Variants in CCSER1 observed in about 807,000 individuals in gnomAD.
CCSER1 encodes coiled-coil serine rich protein 1.
Under a neutral mutation model 82.0 loss-of-function variants are expected in CCSER1, and 41 were observed. That is an observed-to-expected ratio of 0.50 (90% CI 0.39 to 0.65). The LOEUF (loss-of-function observed/expected upper bound fraction) is 0.65, where lower values mean the gene tolerates loss of function less well. Ranked by LOEUF, CCSER1 falls within the 30% of genes least tolerant of loss-of-function variation. The probability of loss-of-function intolerance (pLI) is 0.00; values close to 1 mark genes in which losing one functional copy is unlikely to be tolerated. For synonymous variants in CCSER1, 414 were observed against 383.9 expected (o/e 1.08, Z -0.92); for missense variants, 1,119 against 1,064.2 (o/e 1.05, Z -0.72).
intron 9 of CCSER1, among the ~76,000 whole-genome samples, chr4:91,020,107 A>T (rs1183035248): frequency 6.6e-6 from 1 of 152,240 alleles, no homozygotes; most frequent in Non-Finnish European, 1.5e-5. Flanking sequence ...GAATAAAAAT[A>T]GCCAAGACAA....
intron 1 of CCSER1, among the ~76,000 whole-genome samples, chr4:90,281,636 G>A (rs2153460797): frequency 6.6e-6 from 1 of 152,066 alleles, no homozygotes; most frequent in African/African-American, 2.4e-5. Flanking sequence ...ATTACCATAT[G>A]TAGTAAAGTG....
At chr4:90,463,426 C>T (rs1763198101) in intron 4 of CCSER1, among the ~76,000 whole-genome samples, 1 of 152,094 alleles carries the variant, frequency 6.6e-6, no homozygotes, top group South Asian at 2.1e-4. Flanking sequence ...AGTGCAATGA[C>T]AGTAATAACA....
At chr4:90,690,183 A>T (rs1383211968) in intron 6 of CCSER1, among the ~76,000 whole-genome samples, 2 of 152,052 alleles carry the variant, frequency 1.3e-5, no homozygotes, top group Non-Finnish European at 2.9e-5. Flanking sequence ...CCTTAAAAAT[A>T]TGAGTGTGAT....
intron 10 of CCSER1, among the ~76,000 whole-genome samples, chr4:91,096,478 T>TG (rs899913955): frequency 2.0e-5 from 3 of 152,146 alleles, no homozygotes; most frequent in African/African-American, 7.2e-5. Context: ...TTAACCACTA[T>TG]GGGGGATCTA....
intron 7 of CCSER1, among the ~76,000 whole-genome samples, chr4:90,772,421 G>C (rs375917023): frequency 1.4e-4 from 21 of 152,050 alleles, no homozygotes; most frequent in African/African-American, 4.8e-4. Context: ...ATTGATTACT[G>C]TTCTATATAT....
intron 8 of CCSER1, among the ~76,000 whole-genome samples, chr4:90,898,530 C>T (rs924111478): frequency 6.6e-6 from 1 of 150,444 alleles, no homozygotes; most frequent in Admixed American, 6.7e-5. Flanking sequence ...TCAGGTGATT[C>T]CCCCGCCTTG....
At chr4:91,262,859 AAAAC>A (rs1311434550) in intron 10 of CCSER1, among the ~76,000 whole-genome samples, 1 of 151,846 alleles carries the variant, frequency 6.6e-6, no homozygotes. Context: ...TATGAAAAAA[AAAAC>A]AAACATATTC....
At chr4:91,079,544 T>A (rs559861726) in intron 9 of CCSER1, among the ~76,000 whole-genome samples, 1 of 152,298 alleles carries the variant, frequency 6.6e-6, no homozygotes, top group South Asian at 2.1e-4. Context: ...AACATCATAA[T>A]GACAGGATCA....
chr4:90,492,114 C>T (rs139239007), intron 5 of CCSER1, among the ~76,000 whole-genome samples: 4 of 152,208 alleles, frequency 2.6e-5, no homozygotes, highest in African/African-American at 9.6e-5. Flanking sequence ...CCTTGTACCT[C>T]TGGTAGAATT....
At chr4:90,359,060 G>A (rs1744840044) in intron 3 of CCSER1, among the ~76,000 whole-genome samples, 1 of 152,128 alleles carries the variant, frequency 6.6e-6, no homozygotes, top group African/African-American at 2.4e-5. Context: ...ACATCATAAG[G>A]CACGATGTGT....
At chr4:91,058,962 A>G (rs1440793945) in intron 9 of CCSER1, among the ~76,000 whole-genome samples, 2 of 151,986 alleles carry the variant, frequency 1.3e-5, no homozygotes, top group African/African-American at 4.8e-5. Context: ...ATCCTACTCT[A>G]TAATTCTTAC....
chr4:91,411,483 CATATATACATATATATATATATATAT>C (rs1417537037), intron 10 of CCSER1, among the ~76,000 whole-genome samples: 39 of 69,254 alleles, frequency 5.6e-4, no homozygotes, highest in Admixed American at 2.3e-3. Flanking sequence ...TAAATTTCTG[CATATATACATATATATATATATATAT>C]ATATATATAT....
chr4:90,486,282 C>T (rs530701519), intron 5 of CCSER1, among the ~76,000 whole-genome samples: 2 of 152,264 alleles, frequency 1.3e-5, no homozygotes, highest in East Asian at 1.9e-4. Context: ...ATTTTTTAAC[C>T]TCTTATGTAT....
chr4:91,360,595 TG>T (rs1749182137), intron 10 of CCSER1, among the ~76,000 whole-genome samples: 1 of 151,812 alleles, frequency 6.6e-6, no homozygotes, highest in Non-Finnish European at 1.5e-5. Context: ...TTGGATAGGA[TG>T]CCTTCCATCC....
chr4:90,699,531 G>A (rs976769596), intron 6 of CCSER1, among the ~76,000 whole-genome samples: 1 of 152,160 alleles, frequency 6.6e-6, no homozygotes, highest in African/African-American at 2.4e-5. Context: ...CAGCTATATT[G>A]TGGGGGAGGT....
chr4:90,404,440 C>T lies in CCSER1; in HGVS notation c.1603+4311C>T, dbSNP rs556226345. The stretch of plus-strand genomic sequence containing the variant: ...CTTGGGTGTTCTATGGCCCTTCCCA[C>T]GGCCTGAGAAACCTGAATACTTAAC... On this transcript the variant is annotated intron_variant, in intron 4 of 10. Transcript: ENST00000509176. Among the ~76,000 whole-genome samples the T allele has an allele frequency of 7.2e-5, 11 of 152,270 alleles. No individual in the cohort carries two copies. In the South Asian group the frequency reaches 1.2e-3, roughly 17 times the overall value.
At chr4:90,191,545 G>A (rs1438598018) in intron 1 of CCSER1, among the ~76,000 whole-genome samples, 1 of 152,010 alleles carries the variant, frequency 6.6e-6, no homozygotes, top group Non-Finnish European at 1.5e-5. Flanking sequence ...AAGAGGACAA[G>A]TGGGTGTACC....
At chr4:90,879,488 GGAAGAAGAA>G (rs35201115) in intron 8 of CCSER1, among the ~76,000 whole-genome samples, 9,443 of 122,682 alleles carry the variant, frequency 0.077, 363 homozygotes, top group Non-Finnish European at 0.093. Context: ...TAATAAAAGA[GGAAGAAGAA>G]GAAGAAGAAG....
At chr4:90,918,794 G>A (rs530454128) in intron 8 of CCSER1, among the ~76,000 whole-genome samples, 31 of 151,406 alleles carry the variant, frequency 2.0e-4, no homozygotes, top group African/African-American at 7.0e-4. Flanking sequence ...CACACACGGA[G>A]TTCACATATC....
Sources: gnomAD v4.1 joint callset for allele counts (sites outside exome capture counted in the v4.1 genomes callset) on GRCh38, gnomAD v4.1.1 for gene constraint, MANE v1.5 for transcripts, NCBI Gene and HGNC (gene_info 2026-07-23, HGNC 2026-07-21) for gene names.